The following PCDH7 variants were observed in gnomAD, a reference collection of about 807,000 sequenced individuals.
The protein encoded by PCDH7 is protocadherin 7.
In PCDH7, 17 loss-of-function variants were observed where a neutral mutation model predicts 58.9. The observed-to-expected ratio is 0.29, with a 90% CI of 0.20 to 0.43. The LOEUF is 0.43. Ranked by LOEUF, PCDH7 falls within the 20% of genes least tolerant of loss-of-function variation. PCDH7 has a pLI of 1.00. For missense variants in PCDH7, 1,274 were observed against 1,441.0 expected, an observed-to-expected ratio of 0.88 and a Z score of 1.88; for synonymous variants, 664 against 616.4, an observed-to-expected ratio of 1.08 and a Z score of -1.14.
In PCDH7 at chr4:31,131,574, T is replaced by G. The variant is rs1363729912; in HGVS notation, c.*8-10899T>G. ...CAAAAGCTCCCAGATCTTCATCCCT[T>G]AACAGTATTTCAGAACTCAATGTTT... On this transcript the variant is annotated intron_variant, in intron 3 of 3. Transcript: ENST00000509759. 3.3e-5 allele frequency among the ~76,000 whole-genome samples: 5 copies of G among 152,110 alleles called. No homozygotes were observed. In the East Asian group the frequency reaches 7.8e-4, roughly 24 times the overall value.
exon 2 of PCDH7, chr4:30,730,762 C>A: frequency 6.2e-7 from 1 of 1,604,110 alleles, no homozygotes. Context: ...GATGCGTCTA[C>A]ATCCATACAT....
chr4:31,047,158 A>G (rs1349811317), intron 3 of PCDH7, among the ~76,000 whole-genome samples: 3 of 152,058 alleles, frequency 2.0e-5, no homozygotes, highest in African/African-American at 7.2e-5. Flanking sequence ...TTACACAAAT[A>G]TCACATAACA....
chr4:30,931,652 A>G (rs1160230654), intron 2 of PCDH7, among the ~76,000 whole-genome samples: 2 of 151,858 alleles, frequency 1.3e-5, no homozygotes, highest in Admixed American at 1.3e-4. Context: ...CAGAATTGAG[A>G]CAACTCAGAA....
intron 1 of PCDH7, chr4:30,730,625 G>T: frequency 3.3e-6 from 2 of 611,324 alleles, no homozygotes; most frequent in East Asian, 5.6e-5. Flanking sequence ...CAAACACAAA[G>T]TTGGCATTAA....
At chr4:30,924,227 T>C (rs570553165) in intron 2 of PCDH7, among the ~76,000 whole-genome samples, 17 of 152,310 alleles carry the variant, frequency 1.1e-4, no homozygotes, top group Middle Eastern at 3.4e-3. Context: ...GTCTTTATGA[T>C]AATTAGTGTT....
At chr4:31,019,440 G>A (rs752231501) in intron 3 of PCDH7, among the ~76,000 whole-genome samples, 24 of 152,074 alleles carry the variant, frequency 1.6e-4, no homozygotes, top group Non-Finnish European at 1.8e-4. Flanking sequence ...ATGGTGGCTC[G>A]TGCCTATAAT....
At chr4:30,902,851 T>C (rs560209937) in intron 1 of PCDH7, among the ~76,000 whole-genome samples, 63 of 152,284 alleles carry the variant, frequency 4.1e-4, no homozygotes, top group African/African-American at 1.5e-3. Flanking sequence ...TATTGCCTCA[T>C]AGATTTGTTT....
chr4:31,090,346 G>A (rs745805187), intron 3 of PCDH7, among the ~76,000 whole-genome samples: 23 of 151,970 alleles, frequency 1.5e-4, no homozygotes, highest in Non-Finnish European at 2.9e-4. Flanking sequence ...ATACAGGCAT[G>A]CAGTGCATAA....
chr4:30,965,013 T>G (rs1748872138), intron 3 of PCDH7, among the ~76,000 whole-genome samples: 1 of 152,204 alleles, frequency 6.6e-6, no homozygotes, highest in African/African-American at 2.4e-5. Flanking sequence ...CACAAAGCAC[T>G]TATGGCATGC....
intron 3 of PCDH7, among the ~76,000 whole-genome samples, chr4:31,111,442 G>A (rs1214047495): frequency 6.6e-6 from 1 of 151,920 alleles, no homozygotes; most frequent in African/African-American, 2.4e-5. Flanking sequence ...CCAAGTAGCA[G>A]GGATTACAAG....
intron 1 of PCDH7, among the ~76,000 whole-genome samples, chr4:30,834,917 A>T (rs569624570): frequency 6.9e-6 from 1 of 145,412 alleles, no homozygotes; most frequent in East Asian, 1.9e-4. Context: ...ATATATATAT[A>T]TGTGTATATA....
At chr4:31,114,020 G>T (rs147813723) in intron 3 of PCDH7, among the ~76,000 whole-genome samples, 1,731 of 151,896 alleles carry the variant, frequency 0.011, 30 homozygotes, top group African/African-American at 0.033. Context: ...TTTTAGTAGA[G>T]ACTGGGTTTC....
At chr4:30,955,923 G>A (rs555430170) in intron 3 of PCDH7, among the ~76,000 whole-genome samples, 1 of 151,680 alleles carries the variant, frequency 6.6e-6, no homozygotes, top group Non-Finnish European at 1.5e-5. Flanking sequence ...AGTGGCTCAC[G>A]CCTGTAATCC....
At chr4:30,940,713 C>T (rs1355012540) in intron 2 of PCDH7, among the ~76,000 whole-genome samples, 1 of 151,854 alleles carries the variant, frequency 6.6e-6, no homozygotes, top group South Asian at 2.1e-4. Flanking sequence ...AGGAACAGGT[C>T]CTTTACGTAT....
intron 3 of PCDH7, among the ~76,000 whole-genome samples, chr4:31,132,852 G>A (rs147709794): frequency 1.8e-3 from 278 of 152,296 alleles, no homozygotes; most frequent in Admixed American, 5.2e-3. Flanking sequence ...AACATGGATT[G>A]TAGGAAAGAA....
At chr4:31,088,705 TTTG>T (rs1712809419) in intron 3 of PCDH7, among the ~76,000 whole-genome samples, 1 of 152,020 alleles carries the variant, frequency 6.6e-6, no homozygotes, top group African/African-American at 2.4e-5. Flanking sequence ...AAAGAGTGTA[TTTG>T]TTTTTTTAAA....
At chr4:30,933,177 C>T (rs12641355) in intron 2 of PCDH7, among the ~76,000 whole-genome samples, 40,168 of 151,768 alleles carry the variant, frequency 0.26, 5,933 homozygotes, top group East Asian at 0.43. Flanking sequence ...CAGGCGCATG[C>T]TACCACACCC....
rs142032187 is a variant in PCDH7, at chr4:31,093,530, A to G, written c.*8-48943A>G. Among the ~76,000 whole-genome samples, 399 of 152,146 alleles carry G rather than the reference A, an allele frequency of 2.6e-3. 2 individuals carry two copies. The highest frequency in any genetic ancestry group is 5.2e-3 in the South Asian group (25 of 4,830). The stretch of plus-strand genomic sequence containing the variant: ...TTTTCTTGAACAACATAAGGCCCAT[A>G]TTTGTTTTCTACAGCCTTATTTTGA... On this transcript the variant is annotated intron_variant, in intron 3 of 3. Transcript: ENST00000509759.
chr4:31,143,936 G>T (rs1720512355), downstream of PCDH7: 1 of 152,188 alleles, frequency 6.6e-6, no homozygotes, highest in Non-Finnish European at 1.5e-5. Flanking sequence ...TTCAAGTTTA[G>T]TTTCAGGTAA....
Sources: allele counts gnomAD v4.1 joint callset (sites outside exome capture counted in the v4.1 genomes callset), GRCh38; gene constraint gnomAD v4.1.1; transcripts MANE v1.5; gene names NCBI Gene and HGNC (gene_info 2026-07-23, HGNC 2026-07-21).